Variants in IGSF10 observed in about 807,000 individuals in gnomAD.
The protein encoded by IGSF10 is immunoglobulin superfamily member 10, also known as calvaria mechanical force protein 608.
Under a neutral mutation model 128.2 loss-of-function variants are expected in IGSF10, and 126 were observed. The ratio of observed to expected loss-of-function variants is 0.98; its 90% confidence interval spans 0.85 to 1.14. The LOEUF (loss-of-function observed/expected upper bound fraction) is 1.14, where lower values mean the gene tolerates loss of function less well. IGSF10 is among the 50% of genes most tolerant of loss of function. The pLI is 0.00. For missense variants in IGSF10, 3,295 were observed against 3,149.8 expected (o/e 1.05, Z -1.10); for synonymous variants, 1,185 against 1,146.2 (o/e 1.03, Z -0.68).
At chr3:151,569,894 C>G in the IGSF10 span, among the ~76,000 whole-genome samples, 2 of 151,770 alleles carry the variant, frequency 1.3e-5, no homozygotes, top group African/African-American at 4.8e-5. Context: ...TCCCCCCACC[C>G]CATGACAAGC....
chr3:151,538,355 C>G, the IGSF10 span, among the ~76,000 whole-genome samples: 1 of 152,060 alleles, frequency 6.6e-6, no homozygotes, highest in Non-Finnish European at 1.5e-5. Context: ...CTTTTTATAA[C>G]GAGAAGGACC....
chr3:151,593,604 G>A, the IGSF10 span, among the ~76,000 whole-genome samples: 1 of 151,678 alleles, frequency 6.6e-6, no homozygotes. Flanking sequence ...TTTTTCTGAA[G>A]ACAAAGGCAT....
chr3:151,527,770 T>C, the IGSF10 span, among the ~76,000 whole-genome samples: 4 of 150,820 alleles, frequency 2.7e-5, no homozygotes, highest in Non-Finnish European at 5.9e-5. Context: ...GGCAACATGG[T>C]GACACCCTGT....
At chr3:151,482,503 T>C in the IGSF10 span, among the ~76,000 whole-genome samples, 1 of 152,246 alleles carries the variant, frequency 6.6e-6, no homozygotes, top group East Asian at 1.9e-4. Context: ...TTTTTTAACA[T>C]GACTCAGAGG....
the IGSF10 span, among the ~76,000 whole-genome samples, chr3:151,526,570 C>A: frequency 6.6e-6 from 1 of 152,020 alleles, no homozygotes; most frequent in Non-Finnish European, 1.5e-5. Context: ...TTAGCCTCTT[C>A]CAGCAATTTT....
In IGSF10 at chr3:151,453,416, T is replaced by G. The variant is rs138896253; in HGVS notation, c.683A>C (p.Lys228Thr). 417 of 1,607,360 alleles carry G rather than the reference T, an allele frequency of 2.6e-4. 2 individuals are homozygous for G. Among genetic ancestry groups the G allele is most frequent in the South Asian group, 1.4e-3 (129 of 89,222 alleles). ...GNPWTCDCHL[K>T]WLSDWIQEKP... ...CTCCTGTATCCAGTCAGACAACCAC[T>G]TTAAATGGCAATCACAGGTCCATGG... Residue 228 changes from lysine (K) to threonine (T), a missense_variant, in exon 5 of 8, where the codon AAG (lysine) becomes ACG (threonine). By Grantham distance (78) the Lys-to-Thr change is moderately conservative (BLOSUM62 -1). Transcript: ENST00000282466.
the IGSF10 span, among the ~76,000 whole-genome samples, chr3:151,511,697 C>T: frequency 4.1e-3 from 628 of 152,296 alleles, 2 homozygotes; most frequent in African/African-American, 0.014. Flanking sequence ...CAAGACCCAT[C>T]AGTGTGCTGT....
the IGSF10 span, among the ~76,000 whole-genome samples, chr3:151,547,697 T>C: frequency 6.6e-6 from 1 of 152,186 alleles, no homozygotes; most frequent in Non-Finnish European, 1.5e-5. Context: ...TTTCTTGGTT[T>C]AAGTCTTCAT....
chr3:151,495,108 G>T, the IGSF10 span, among the ~76,000 whole-genome samples: 1 of 152,094 alleles, frequency 6.6e-6, no homozygotes, highest in Admixed American at 6.6e-5. Flanking sequence ...AAATGGAAAT[G>T]ACATTTATAC....
At chr3:151,491,905 G>A in the IGSF10 span, among the ~76,000 whole-genome samples, 1 of 152,042 alleles carries the variant, frequency 6.6e-6, no homozygotes, top group Non-Finnish European at 1.5e-5. Context: ...TAAAACATTA[G>A]CAAACCAAGT....
At chr3:151,577,759 CAG>C in the IGSF10 span, among the ~76,000 whole-genome samples, 1 of 151,756 alleles carries the variant, frequency 6.6e-6, no homozygotes, top group Non-Finnish European at 1.5e-5. Flanking sequence ...TTGAATGCAT[CAG>C]AGAGTTGAGT....
rs1371476685 is a variant in IGSF10, at chr3:151,457,160, A to G, written c.195-5T>C. 1 of 1,613,826 alleles carries G rather than the reference A, an allele frequency of 6.2e-7. No individual in the cohort carries two copies. Among genetic ancestry groups the G allele is most frequent in the Non-Finnish European group, 8.5e-7 (1 of 1,179,918 alleles). On this transcript the variant is annotated splice_region_variant and splice_polypyrimidine_tract_variant and intron_variant, in intron 3 of 7. Transcript: ENST00000282466. ...AATCTAACCAAGCTGTTGTATCTGA[A>G]ATAAAAAATGACATTCTAGGCATAA...
chr3:151,556,888 T>A, the IGSF10 span, among the ~76,000 whole-genome samples: 1 of 152,230 alleles, frequency 6.6e-6, no homozygotes, highest in Non-Finnish European at 1.5e-5. Flanking sequence ...CCAGTTTGGA[T>A]AACCATTTCT....
At chr3:151,515,762 T>C in the IGSF10 span, among the ~76,000 whole-genome samples, 735 of 150,988 alleles carry the variant, frequency 4.9e-3, 10 homozygotes, top group Non-Finnish European at 8.4e-3. Flanking sequence ...TTTGTGTGTA[T>C]GGTGACTTCT....
the IGSF10 span, among the ~76,000 whole-genome samples, chr3:151,498,615 C>T: frequency 2.0e-5 from 3 of 152,058 alleles, no homozygotes; most frequent in African/African-American, 7.2e-5. Flanking sequence ...ATTTGTTATA[C>T]AATGTATAGC....
the IGSF10 span, among the ~76,000 whole-genome samples, chr3:151,469,802 C>A: frequency 6.6e-6 from 1 of 152,152 alleles, no homozygotes; most frequent in East Asian, 1.9e-4. Context: ...ACTCATACTC[C>A]CATGCAGGAG....
the IGSF10 span, among the ~76,000 whole-genome samples, chr3:151,498,146 C>T: frequency 2.4e-4 from 36 of 152,232 alleles, no homozygotes; most frequent in African/African-American, 8.4e-4. Context: ...TCCTCTTTTC[C>T]TAATTGAATA....
chr3:151,447,114 G>A lies in IGSF10; in HGVS notation c.2867C>T (p.Thr956Ile). The A allele has an allele frequency of 1.2e-6, 2 of 1,614,176 alleles. No homozygotes were observed. The highest frequency in any genetic ancestry group is 3.3e-4 in the Middle Eastern group (2 of 6,062). Residue 956 changes from threonine (T) to isoleucine (I), a missense_variant, in exon 6 of 8, where the codon ACA becomes ATA. Thr to Ile is a moderately conservative substitution (Grantham distance 89, BLOSUM62 -1). Coordinates refer to ENST00000282466, the MANE Select transcript of IGSF10 (RefSeq NM_178822.5). The stretch of plus-strand genomic sequence containing the variant: ...GGGTTCACTCACTTCTCTTACAGAT[G>A]TCTGATGACTATTTGTGGTATTTAC... ...ESVNTTNSHQ[T>I]SVREVSEPRH...
At chr3:151,587,867 T>C in the IGSF10 span, among the ~76,000 whole-genome samples, 1 of 152,218 alleles carries the variant, frequency 6.6e-6, no homozygotes, top group East Asian at 1.9e-4. Context: ...GCCATCCATG[T>C]AAGACATGAC....
Sources: allele counts gnomAD v4.1 joint callset (sites outside exome capture counted in the v4.1 genomes callset), GRCh38; gene constraint gnomAD v4.1.1; transcripts MANE v1.5; gene names NCBI Gene and HGNC (gene_info 2026-07-23, HGNC 2026-07-21).